SEMA3A: variants seen among roughly 807,000 people sequenced by gnomAD.
SEMA3A encodes the protein semaphorin-3A.
SEMA3A carries 29 observed loss-of-function variants against 97.9 expected under a neutral mutation model. The observed-to-expected ratio is 0.30, with a 90% CI of 0.22 to 0.40. The LOEUF (loss-of-function observed/expected upper bound fraction) is 0.40, where lower values mean the gene tolerates loss of function less well. SEMA3A is among the 10% of genes least tolerant of loss of function. The probability of loss-of-function intolerance (pLI) is 1.00; values close to 1 mark genes in which losing one functional copy is unlikely to be tolerated. For synonymous variants in SEMA3A, 321 were observed against 323.7 expected (o/e 0.99, Z 0.09); for missense variants, 763 against 951.3 (o/e 0.80, Z 2.60).
chr7:84,204,641 A>C (rs1170592007), intron 3 of SEMA3A, among the ~76,000 whole-genome samples: 4 of 152,198 alleles, frequency 2.6e-5, no homozygotes, highest in Non-Finnish European at 5.9e-5. Flanking sequence ...GCTCTTATTA[A>C]TTTTATGGTT....
At chr7:84,428,987 G>T (rs1804898454) in intron 1 of SEMA3A, among the ~76,000 whole-genome samples, 1 of 152,008 alleles carries the variant, frequency 6.6e-6, no homozygotes, top group South Asian at 2.1e-4. Flanking sequence ...CTCAAAGCAA[G>T]AAAGGACCTA....
At chr7:84,411,515 G>A (rs964133510) in intron 1 of SEMA3A, among the ~76,000 whole-genome samples, 2 of 151,066 alleles carry the variant, frequency 1.3e-5, no homozygotes, top group African/African-American at 4.9e-5. Context: ...AAAAATAATA[G>A]ACTACTAATA....
At chr7:84,100,603 C>T (rs533954752) in intron 4 of SEMA3A, among the ~76,000 whole-genome samples, 1 of 151,984 alleles carries the variant, frequency 6.6e-6, no homozygotes, top group African/African-American at 2.4e-5. Context: ...TTACCAACAC[C>T]GAAGTTAGAT....
At position 83,963,186 on chromosome 7, in the gene SEMA3A, G is replaced by A. The variant is rs1324382144; in HGVS notation, c.1860+19C>T. The A allele has an allele frequency of 1.9e-6, 3 of 1,610,886 alleles. No homozygotes were observed. Among genetic ancestry groups the A allele is most frequent in the Non-Finnish European group, 2.5e-6 (3 of 1,179,268 alleles). The stretch of plus-strand genomic sequence containing the variant: ...GTGTATCTTAGATATAAATGATCCA[G>A]TCAGTTTCATTCCTGTACCTCTTCT... On this transcript the variant is annotated intron_variant, in intron 16 of 16. Coordinates refer to ENST00000265362, the MANE Select transcript of SEMA3A (RefSeq NM_006080.3).
intron 1 of SEMA3A, among the ~76,000 whole-genome samples, chr7:84,413,657 A>C (rs1399665209): frequency 2.6e-5 from 4 of 151,980 alleles, no homozygotes; most frequent in African/African-American, 7.2e-5. Context: ...AACAAACAAA[A>C]AAACACAAAA....
At chr7:84,315,913 T>C (rs10254844) in intron 2 of SEMA3A, among the ~76,000 whole-genome samples, 6,674 of 151,826 alleles carry the variant, frequency 0.044, 501 homozygotes, top group African/African-American at 0.15. Context: ...TATGATTTTA[T>C]GTACTTTTTG....
intron 12 of SEMA3A, among the ~76,000 whole-genome samples, chr7:83,986,010 T>C (rs76200823): frequency 0.042 from 6,342 of 152,302 alleles, 424 homozygotes; most frequent in African/African-American, 0.14. Flanking sequence ...TTTTGTGGTT[T>C]GGACAATGTT....
intron 3 of SEMA3A, among the ~76,000 whole-genome samples, chr7:84,123,051 C>T (rs1057349273): frequency 7.2e-5 from 11 of 152,008 alleles, no homozygotes; most frequent in Non-Finnish European, 1.3e-4. Flanking sequence ...AACAGTCATA[C>T]GGTTGCCATT....
intron 2 of SEMA3A, among the ~76,000 whole-genome samples, chr7:84,332,464 G>A (rs1173836939): frequency 6.6e-6 from 1 of 152,040 alleles, no homozygotes; most frequent in Non-Finnish European, 1.5e-5. Context: ...TAAATGGCAA[G>A]ACAAGTTAAC....
intron 2 of SEMA3A, among the ~76,000 whole-genome samples, chr7:84,355,031 C>T (rs1802523408): frequency 1.3e-5 from 2 of 151,824 alleles, no homozygotes; most frequent in African/African-American, 4.8e-5. Flanking sequence ...TAGATGAGAA[C>T]ACAGATTATT....
At chr7:83,995,286 C>T (rs1456930628) in intron 12 of SEMA3A, among the ~76,000 whole-genome samples, 1 of 152,122 alleles carries the variant, frequency 6.6e-6, no homozygotes, top group Non-Finnish European at 1.5e-5. Context: ...CTGCGTCGCT[C>T]ACTCTGGGAG....
chr7:84,375,170 C>G (rs957896103), intron 1 of SEMA3A, among the ~76,000 whole-genome samples: 1 of 152,096 alleles, frequency 6.6e-6, no homozygotes, highest in Admixed American at 6.5e-5. Flanking sequence ...CAGGCACCCG[C>G]CAACACATCC....
At chr7:84,160,807 G>A (rs1332095230) in intron 1 of SEMA3A, among the ~76,000 whole-genome samples, 1 of 151,898 alleles carries the variant, frequency 6.6e-6, no homozygotes, top group African/African-American at 2.4e-5. Flanking sequence ...TTGAACCCGG[G>A]AGGAGGAGGT....
chr7:83,996,721 ATAATAAATACAATTGAAGTT>A, intron 12 of SEMA3A, among the ~76,000 whole-genome samples: 1 of 152,336 alleles, frequency 6.6e-6, no homozygotes, highest in African/African-American at 2.4e-5. Context: ...TGAGAATCAC[ATAATAAATACAATTGAAGTT>A]CAGGTTTATG....
At chr7:84,010,931 C>T in intron 9 of SEMA3A, 91 bp downstream of exon 9, 2 of 881,154 alleles carry the variant, frequency 2.3e-6, no homozygotes, top group Non-Finnish European at 3.5e-6. Flanking sequence ...GCAACACTTG[C>T]CTTTCAAAAA....
chr7:84,478,012 G>C (rs1371753405), intron 1 of SEMA3A, among the ~76,000 whole-genome samples: 1 of 152,262 alleles, frequency 6.6e-6, no homozygotes, highest in East Asian at 1.9e-4. Context: ...GCCTGGTGTT[G>C]AGGTAACATC....
At chr7:83,990,151 T>A (rs1413351230) in intron 12 of SEMA3A, among the ~76,000 whole-genome samples, 2 of 151,862 alleles carry the variant, frequency 1.3e-5, no homozygotes, top group Non-Finnish European at 2.9e-5. Flanking sequence ...CTTCGCCCAC[T>A]TTTTGATGGG....
chr7:84,301,751 A>C (rs114004770), intron 3 of SEMA3A, among the ~76,000 whole-genome samples: 119 of 152,238 alleles, frequency 7.8e-4, no homozygotes, highest in African/African-American at 2.8e-3. Flanking sequence ...ACTTCTATTC[A>C]CAAATAAACC....
chr7:84,137,779 A>T (rs1796188772), intron 1 of SEMA3A, among the ~76,000 whole-genome samples: 1 of 152,048 alleles, frequency 6.6e-6, no homozygotes, highest in Admixed American at 6.6e-5. Flanking sequence ...TGTAAGAGGT[A>T]CAAGAATGGA....
Sources: allele counts gnomAD v4.1 joint callset (sites outside exome capture counted in the v4.1 genomes callset), GRCh38; gene constraint gnomAD v4.1.1; transcripts MANE v1.5; gene names NCBI Gene and HGNC (gene_info 2026-07-23, HGNC 2026-07-21).